RAB3GAP1: variants seen among roughly 807,000 people sequenced by gnomAD.
RAB3GAP1 encodes the protein RAB3 GTPase activating protein catalytic subunit 1, also known as rab3 GTPase-activating protein catalytic subunit.
Under a neutral mutation model 130.7 loss-of-function variants are expected in RAB3GAP1, and 86 were observed. That is an observed-to-expected ratio of 0.66 (90% CI 0.55 to 0.79). RAB3GAP1 has a LOEUF of 0.79. Among genes scored for constraint, RAB3GAP1 ranks in the 30% least tolerant of loss-of-function variants. RAB3GAP1 has a pLI of 0.00. For synonymous variants in RAB3GAP1, 367 were observed against 401.7 expected, an observed-to-expected ratio of 0.91 and a Z score of 1.03; for missense variants, 1,029 against 1,169.4, an observed-to-expected ratio of 0.88 and a Z score of 1.75.
intron 9 of RAB3GAP1, 117 bp downstream of exon 9, chr2:135,124,363 A>T (rs556379258): frequency 9.2e-7 from 1 of 1,090,642 alleles, no homozygotes. Flanking sequence ...GTAGTACTGG[A>T]AATAAAGAAA....
At chr2:135,100,026 C>T (rs928679922) in intron 5 of RAB3GAP1, among the ~76,000 whole-genome samples, 1 of 151,958 alleles carries the variant, frequency 6.6e-6, no homozygotes, top group African/African-American at 2.4e-5. Context: ...TTCTGGAAGC[C>T]TAGTTTCTGG....
At chr2:135,127,493 G>A (rs181711728) in intron 11 of RAB3GAP1, among the ~76,000 whole-genome samples, 237 of 151,624 alleles carry the variant, frequency 1.6e-3, no homozygotes, top group African/African-American at 5.4e-3. Flanking sequence ...ATAGGCGCCC[G>A]CCACCACGCC....
At chr2:135,093,523 A>C (rs1011450534) in intron 4 of RAB3GAP1, 92 bp from the exon 5 acceptor site, 2 of 930,332 alleles carry the variant, frequency 2.1e-6, no homozygotes, top group South Asian at 2.6e-5. Context: ...AAACTGCATG[A>C]TCTAGCAAGA....
At chr2:135,059,523 T>C (rs531819022) in intron 3 of RAB3GAP1, among the ~76,000 whole-genome samples, 28 of 152,234 alleles carry the variant, frequency 1.8e-4, no homozygotes, top group African/African-American at 6.7e-4. Context: ...TAAATTGATA[T>C]ATGATAGATG....
At chr2:135,076,805 A>G (rs1202889451) in intron 3 of RAB3GAP1, among the ~76,000 whole-genome samples, 1 of 152,256 alleles carries the variant, frequency 6.6e-6, no homozygotes, top group East Asian at 1.9e-4. Context: ...AACAATAACA[A>G]CTTCACATAA....
Position 135,169,396 on chromosome 2 carries a change from A to G in RAB3GAP1, c.*615A>G. 5.6e-6 allele frequency: 1 copy of G among 178,654 alleles called. No homozygotes were observed. Among genetic ancestry groups the G allele is most frequent in the Non-Finnish European group, 1.2e-5 (1 of 84,002 alleles). The allele number at this position is 178,654 out of a possible 1,614,324, so 11.1% of individuals were successfully genotyped here. ...TAGTTTCTCTTTTTCATGTAACTGT[A>G]ACCTAAATGTATTACTTCTGATAAA... On this transcript the variant is annotated 3_prime_UTR_variant, in exon 24 of 24. Transcript: ENST00000264158.
At chr2:135,164,411 CAGTT>C (rs1692567073) in intron 22 of RAB3GAP1, among the ~76,000 whole-genome samples, 179 bp from the exon 23 acceptor site, 1 of 152,162 alleles carries the variant, frequency 6.6e-6, no homozygotes, top group Non-Finnish European at 1.5e-5. Context: ...GGAAGATTGT[CAGTT>C]AAGTCGATAA....
At chr2:135,167,630 C>T (rs1259317518) in intron 23 of RAB3GAP1, 1 of 1,346,772 alleles carries the variant, frequency 7.4e-7, no homozygotes, top group East Asian at 2.5e-5. Context: ...CTTGTCTAGC[C>T]CTATTTAAAC....
At position 135,093,698 on chromosome 2, in the gene RAB3GAP1, GTA is replaced by G. The variant is rs1272498427; in HGVS notation, c.362+9_362+10del. The G allele has an allele frequency of 3.1e-6, 5 of 1,601,520 alleles. No individual in the cohort carries two copies. Among genetic ancestry groups the G allele is most frequent in the Non-Finnish European group, 4.3e-6 (5 of 1,168,694 alleles). ...AGCACATTGCCTGGTAAGATGGTAG[GTA>G]TATCTTTTACTCAGTATCTTTTAGT... On this transcript the variant is annotated splice_donor_region_variant and intron_variant, in intron 5 of 23. Transcript: ENST00000264158.
chr2:135,153,730 G>A lies in RAB3GAP1; in HGVS notation c.2143G>A (p.Glu715Lys), dbSNP rs1276689209. The A allele has an allele frequency of 3.1e-6, 5 of 1,614,062 alleles. No individual in the cohort carries two copies. Among genetic ancestry groups the A allele is most frequent in the East Asian group, 2.2e-5 (1 of 44,876 alleles). ...RDYIEEEVID[E>K]KGNVVLKGEL... is the part of the protein sequence containing the mutation. ...TTATATTGAAGAGGAGGTGATTGAT[G>A]AAAAGGGCAATGTGGTGCTGAAAGG... is the stretch of plus-strand genomic sequence containing the variant. The change falls in exon 19 of 24, where the codon GAA becomes AAA. Residue 715 changes from glutamate to lysine, a missense_variant. Coordinates refer to ENST00000264158, the MANE Select transcript of RAB3GAP1 (RefSeq NM_012233.3).
At chr2:135,092,924 A>G (rs1690188374) in intron 4 of RAB3GAP1, among the ~76,000 whole-genome samples, 1 of 152,222 alleles carries the variant, frequency 6.6e-6, no homozygotes, top group Non-Finnish European at 1.5e-5. Context: ...TTTGAGCACT[A>G]ATCATTTATG....
intron 19 of RAB3GAP1, among the ~76,000 whole-genome samples, chr2:135,160,135 G>A (rs1692424651): frequency 6.6e-6 from 1 of 152,160 alleles, no homozygotes; most frequent in Non-Finnish European, 1.5e-5. Context: ...TTTTAAAGTG[G>A]TGAATTTTAT....
At chr2:135,066,416 C>T (rs1027252043) in intron 3 of RAB3GAP1, among the ~76,000 whole-genome samples, 2 of 152,176 alleles carry the variant, frequency 1.3e-5, no homozygotes, top group African/African-American at 2.4e-5. Flanking sequence ...TAACTTAATC[C>T]TTAAACAGAC....
At chr2:135,086,565 A>T (rs1322108652) in intron 3 of RAB3GAP1, among the ~76,000 whole-genome samples, 1 of 134,884 alleles carries the variant, frequency 7.4e-6, no homozygotes, top group African/African-American at 2.8e-5. Flanking sequence ...AAAAATTTGG[A>T]TTGTTCATTT....
intron 5 of RAB3GAP1, among the ~76,000 whole-genome samples, chr2:135,104,539 T>C (rs72978346): frequency 0.045 from 6,870 of 152,008 alleles, 527 homozygotes; most frequent in African/African-American, 0.16. Flanking sequence ...GGAATCTCAA[T>C]AAATAGAAAC....
At chr2:135,135,072 CAAG>C (rs2104950168) in intron 15 of RAB3GAP1, among the ~76,000 whole-genome samples, 190 bp from the exon 16 acceptor site, 1 of 152,166 alleles carries the variant, frequency 6.6e-6, no homozygotes, top group East Asian at 1.9e-4. Flanking sequence ...GATTTGTGGA[CAAG>C]GAGTATAAAA....
intron 11 of RAB3GAP1, among the ~76,000 whole-genome samples, chr2:135,129,667 G>T (rs1041602734): frequency 6.6e-6 from 1 of 151,938 alleles, no homozygotes; most frequent in Non-Finnish European, 1.5e-5. Context: ...GTAAGTTCTT[G>T]TTACTTACAT....
At chr2:135,171,154 G>A (rs932799986), downstream of RAB3GAP1, among the ~76,000 whole-genome samples, 4 of 152,032 alleles carry the variant, frequency 2.6e-5, no homozygotes, top group Admixed American at 2.0e-4. Context: ...ATGTCTATTT[G>A]GGGGGCAGCC....
intron 9 of RAB3GAP1, among the ~76,000 whole-genome samples, chr2:135,124,537 C>G (rs1227964786): frequency 6.6e-6 from 1 of 152,072 alleles, no homozygotes; most frequent in East Asian, 1.9e-4. Context: ...TGGTTGCGCA[C>G]ACCTGTAATC....
Sources: gnomAD v4.1 joint callset for allele counts (sites outside exome capture counted in the v4.1 genomes callset) on GRCh38, gnomAD v4.1.1 for gene constraint, MANE v1.5 for transcripts, NCBI Gene and HGNC (gene_info 2026-07-23, HGNC 2026-07-21) for gene names.